RGSL1: variants seen among roughly 807,000 people sequenced by gnomAD.
RGSL1 encodes the protein regulator of G protein signaling like 1.
In RGSL1, 97 loss-of-function variants were observed where a neutral mutation model predicts 124.7. The ratio of observed to expected loss-of-function variants is 0.78; its 90% CI spans 0.66 to 0.92. The LOEUF is 0.92. RGSL1 is among the 40% of genes least tolerant of loss of function. The pLI is 0.00. For synonymous variants in RGSL1, 424 were observed against 438.1 expected, an observed-to-expected ratio of 0.97 and a Z score of 0.40; for missense variants, 1,233 against 1,288.4, an observed-to-expected ratio of 0.96 and a Z score of 0.66.
chr1:182,451,897 A>G (rs140052202), intron 1 of RGSL1, among the ~76,000 whole-genome samples: 119 of 151,904 alleles, frequency 7.8e-4, no homozygotes, highest in Middle Eastern at 3.4e-3. Context: ...AAAGGAGAAG[A>G]CAGATTCCAG....
intron 9 of RGSL1, among the ~76,000 whole-genome samples, chr1:182,505,755 T>A (rs2102167099): frequency 6.6e-6 from 1 of 152,322 alleles, no homozygotes; most frequent in South Asian, 2.1e-4. Flanking sequence ...TGTTTTCTGA[T>A]GCACTTATGT....
At chr1:182,550,204 G>T (rs552598924) in intron 17 of RGSL1, 1 of 152,364 alleles carries the variant, frequency 6.6e-6, no homozygotes, top group African/African-American at 2.4e-5. Context: ...GGTTCAGAGT[G>T]GTTGAGGGAC....
At chr1:182,495,770 C>T (rs114115279) in intron 9 of RGSL1, among the ~76,000 whole-genome samples, 190 of 152,206 alleles carry the variant, frequency 1.2e-3, no homozygotes, top group African/African-American at 4.4e-3. Flanking sequence ...TCAATGTGAC[C>T]AGCCATAGAT....
Position 182,551,419 on chromosome 1 carries a change from C to T in RGSL1, c.3043+210C>T, listed in dbSNP as rs572338970. Among the ~76,000 whole-genome samples, 44 of 152,304 alleles carry T rather than the reference C, an allele frequency of 2.9e-4. 1 individual carries two copies. The highest frequency in any genetic ancestry group is 1.0e-3 in the South Asian group (5 of 4,828). ...CAGTGCTAGCAGAGGGTACCTCTCC[C>T]TAGCAATAACTCCAGGACGCCTCTG... On this transcript the variant is annotated intron_variant, in intron 18 of 21. Transcript: ENST00000294854.
At chr1:182,448,902 G>A (rs1439719561), upstream of RGSL1, among the ~76,000 whole-genome samples, 1 of 152,180 alleles carries the variant, frequency 6.6e-6, no homozygotes, top group Non-Finnish European at 1.5e-5. Flanking sequence ...TAGGACTCAA[G>A]GGTAGGTGCA....
chr1:182,463,180 C>T (rs1308676423), intron 4 of RGSL1, among the ~76,000 whole-genome samples: 1 of 151,596 alleles, frequency 6.6e-6, no homozygotes, highest in African/African-American at 2.4e-5. Context: ...TGTAGTCCCA[C>T]CTACTTGGGA....
intron 9 of RGSL1, among the ~76,000 whole-genome samples, chr1:182,495,922 G>A (rs909627216): frequency 1.3e-5 from 2 of 152,152 alleles, no homozygotes; most frequent in Non-Finnish European, 2.9e-5. Flanking sequence ...AATTACTGTT[G>A]AGCCACCTAT....
At chr1:182,501,721 G>A (rs180726120) in intron 9 of RGSL1, among the ~76,000 whole-genome samples, 74 of 152,212 alleles carry the variant, frequency 4.9e-4, no homozygotes, top group African/African-American at 1.6e-3. Context: ...CATAGCTTTC[G>A]TGGGTTGTCT....
chr1:182,495,924 G>A (rs1655880331), intron 9 of RGSL1, among the ~76,000 whole-genome samples: 1 of 152,190 alleles, frequency 6.6e-6, no homozygotes, highest in Non-Finnish European at 1.5e-5. Context: ...TTACTGTTGA[G>A]CCACCTATGA....
At chr1:182,540,153 C>A in intron 14 of RGSL1, 94 bp from the exon 15 acceptor site, 1 of 1,246,304 alleles carries the variant, frequency 8.0e-7, no homozygotes, top group Non-Finnish European at 1.1e-6. Flanking sequence ...AAGGATGGAT[C>A]CACAGTCTCC....
At chr1:182,468,756 G>A (rs1653563727) in intron 4 of RGSL1, among the ~76,000 whole-genome samples, 1 of 151,546 alleles carries the variant, frequency 6.6e-6, no homozygotes. Context: ...AAAACTTAAA[G>A]TATAATAAAA....
At chr1:182,525,401 T>A (rs1658666344) in intron 10 of RGSL1, among the ~76,000 whole-genome samples, 1 of 152,078 alleles carries the variant, frequency 6.6e-6, no homozygotes, top group Admixed American at 6.5e-5. Flanking sequence ...AAGGAAGGTA[T>A]GATGATAATG....
rs1350914777 is a variant in RGSL1, at chr1:182,488,966, C to T, written c.1495-14C>T. 3.2e-6 allele frequency: 5 copies of T among 1,545,296 alleles called. No individual in the cohort carries two copies. Among genetic ancestry groups the T allele is most frequent in the Non-Finnish European group, 4.4e-6 (5 of 1,143,348 alleles). ...TGTAACAAATGCCATCTTCCCCTCA[C>T]CCTCTTCTCTTAGACACAGAACAGG... is the stretch of plus-strand genomic sequence containing the variant. On this transcript the variant is annotated splice_polypyrimidine_tract_variant and intron_variant, in intron 7 of 21. Coordinates refer to ENST00000294854, the MANE Select transcript of RGSL1 (RefSeq NM_001137669.2).
chr1:182,471,481 G>T (rs930026186), intron 4 of RGSL1: 1 of 401,542 alleles, frequency 2.5e-6, no homozygotes, highest in Non-Finnish European at 5.0e-6. Context: ...TGTCTGTGTT[G>T]AATATAAACA....
At chr1:182,477,446 T>C (rs267901) in intron 6 of RGSL1, among the ~76,000 whole-genome samples, 13,142 of 152,120 alleles carry the variant, frequency 0.086, 775 homozygotes, top group East Asian at 0.25. Context: ...AGAAGAAATA[T>C]CGTCTGCCCT....
intron 9 of RGSL1, among the ~76,000 whole-genome samples, chr1:182,519,494 T>TC (rs11441200): frequency 0.86 from 131,239 of 151,846 alleles, 57,036 homozygotes; most frequent in Non-Finnish European, 0.89. Context: ...GTTCTTTTTT[T>TC]CCCTTGTTTC....
At chr1:182,469,231 A>C (rs1429135899) in intron 4 of RGSL1, among the ~76,000 whole-genome samples, 1 of 152,186 alleles carries the variant, frequency 6.6e-6, no homozygotes, top group Non-Finnish European at 1.5e-5. Context: ...GGCAGCCTAA[A>C]GAATGGAAGA....
intron 4 of RGSL1, among the ~76,000 whole-genome samples, chr1:182,461,332 T>TAATAAC (rs996043700): frequency 1.3e-5 from 2 of 151,352 alleles, no homozygotes; most frequent in African/African-American, 4.9e-5. Context: ...ATAATAATAA[T>TAATAAC]AACAACTAAC....
chr1:182,529,769 G>A (rs1310192209), intron 11 of RGSL1, among the ~76,000 whole-genome samples: 7 of 152,236 alleles, frequency 4.6e-5, no homozygotes, highest in Admixed American at 1.3e-4. Context: ...GCTAGAAGAG[G>A]AAGAGTGTCC....
Sources: gnomAD v4.1 joint callset for allele counts (sites outside exome capture counted in the v4.1 genomes callset) on GRCh38, gnomAD v4.1.1 for gene constraint, MANE v1.5 for transcripts, NCBI Gene and HGNC (gene_info 2026-07-23, HGNC 2026-07-21) for gene names.